The following RPH3AL variants were observed in gnomAD, a reference collection of about 807,000 sequenced individuals.
The protein encoded by RPH3AL is rab effector Noc2.
RPH3AL carries 38 observed loss-of-function variants against 43.1 expected under a neutral mutation model. The observed-to-expected ratio is 0.88, with a 90% CI of 0.68 to 1.15. The LOEUF (loss-of-function observed/expected upper bound fraction) is 1.15. Among genes scored for constraint, RPH3AL ranks in the 50% most tolerant of loss-of-function variants. The probability of loss-of-function intolerance (pLI) is 0.00; values close to 1 mark genes in which losing one functional copy is unlikely to be tolerated. For synonymous variants in RPH3AL, 189 were observed against 176.3 expected (o/e 1.07, Z -0.57); for missense variants, 462 against 423.2 (o/e 1.09, Z -0.81).
At chr17:247,015 G>T (rs933381152) in intron 7 of RPH3AL, 96 bp downstream of exon 7, 1 of 1,308,864 alleles carries the variant, frequency 7.6e-7, no homozygotes, top group Non-Finnish European at 1.1e-6. Flanking sequence ...CGTGGATGGA[G>T]GGTGCGGGGG....
At chr17:262,854 T>C (rs2042233227) in intron 6 of RPH3AL, among the ~76,000 whole-genome samples, 1 of 152,136 alleles carries the variant, frequency 6.6e-6, no homozygotes, top group South Asian at 2.1e-4. Flanking sequence ...GGTTATTCAG[T>C]CCGACCCCAC....
intron 1 of RPH3AL, among the ~76,000 whole-genome samples, chr17:349,914 G>A: frequency 6.6e-6 from 1 of 152,110 alleles, no homozygotes; most frequent in Non-Finnish European, 1.5e-5. Flanking sequence ...TGATATTACT[G>A]CTGTGCCCAG....
chr17:265,447 T>TTA (rs1186547454), intron 6 of RPH3AL, among the ~76,000 whole-genome samples: 17 of 152,092 alleles, frequency 1.1e-4, no homozygotes, highest in South Asian at 4.2e-4. Flanking sequence ...TATTCAAAAG[T>TTA]TATATATATA....
intron 6 of RPH3AL, among the ~76,000 whole-genome samples, chr17:270,326 G>T (rs1225576359): frequency 6.6e-6 from 1 of 152,242 alleles, no homozygotes; most frequent in East Asian, 1.9e-4. Context: ...GCAGCTTGCG[G>T]TGAGCACAGG....
rs2043589148 is a variant in RPH3AL at position 309,572 on chromosome 17, T to TCCAGG, written c.351+9847_351+9848insCCTGG. On this transcript the variant is annotated intron_variant, in intron 5 of 9. Transcript: ENST00000331302. ...GGGGTCCGGGATATGGCACGTCCCCTGCCCTGCCCCAGGCTCCTGCCAGCC... is the reference window on the plus strand; with the variant it reads ...GGGGTCCGGGATATGGCACGTCCCCTCCAGGGCCCTGCCCCAGGCTCCTGCCAGCC... Among the ~76,000 whole-genome samples, 5 of 33,392 alleles carry TCCAGG rather than the reference T, an allele frequency of 1.5e-4. 1 individual carries two copies. Among genetic ancestry groups the TCCAGG allele is most frequent in the South Asian group, 1.5e-3 (1 of 672 alleles). 21.9% of individuals were successfully genotyped at this position (33,392 alleles called of 152,430 possible).
chr17:284,640 T>C (rs10871513), intron 5 of RPH3AL, among the ~76,000 whole-genome samples: 146,044 of 152,118 alleles, frequency 0.96, 70,314 homozygotes, highest in Non-Finnish European at 1. Context: ...CGGCAGCCTC[T>C]CCATTGCACC....
At chr17:311,725 G>A (rs1031795324) in intron 5 of RPH3AL, among the ~76,000 whole-genome samples, 13 of 152,158 alleles carry the variant, frequency 8.5e-5, no homozygotes, top group Admixed American at 4.6e-4. Context: ...TTTCCCTGCC[G>A]GCTCAGGACA....
chr17:315,170 C>T (rs1555518932), intron 5 of RPH3AL, among the ~76,000 whole-genome samples: 1 of 145,348 alleles, frequency 6.9e-6, no homozygotes, highest in Non-Finnish European at 1.5e-5. Context: ...TGTGCCCCCA[C>T]CTCCATTCAC....
chr17:328,099 G>C lies in RPH3AL; in HGVS notation c.-36-520C>G, dbSNP rs1376758879. Among the ~76,000 whole-genome samples the C allele has an allele frequency of 6.6e-6, 1 of 152,088 alleles. No homozygotes were observed. Among genetic ancestry groups the C allele is most frequent in the Middle Eastern group, 3.2e-3 (1 of 316 alleles). On this transcript the variant is annotated intron_variant, in intron 2 of 9. Transcript: ENST00000331302. This position sits in a 1 kb window ranked among gnomAD's most constrained non-coding sequence, Gnocchi z 4.2. ...ACAATGCCCTCGAGGGCAGGCAAGAGGGCAGGGGGTGGCAGCTACAGCCAG... is the reference window on the plus strand; with the variant it reads ...ACAATGCCCTCGAGGGCAGGCAAGACGGCAGGGGGTGGCAGCTACAGCCAG...
At chr17:325,007 T>C (rs1295655698) in intron 3 of RPH3AL, among the ~76,000 whole-genome samples, 1 of 151,746 alleles carries the variant, frequency 6.6e-6, no homozygotes, top group Non-Finnish European at 1.5e-5. Context: ...TACAGGTGTG[T>C]GCCAACACGA....
chr17:331,333 G>C, intron 2 of RPH3AL: 1 of 40,200 alleles, frequency 2.5e-5, no homozygotes. Context: ...GAAGGATGTC[G>C]CCTCCAGAGC....
chr17:264,076 G>A lies in RPH3AL; in HGVS notation c.439-16791C>T, dbSNP rs1023268550. On this transcript the variant is annotated intron_variant, in intron 6 of 9. Coordinates refer to ENST00000331302, the MANE Select transcript of RPH3AL (RefSeq NM_006987.4). The surrounding 1 kb of genome is among the most constrained non-coding windows in gnomAD (Gnocchi z 4.8). ...AGATTTCAAAGCCACGATTTTGGCC[G>A]CGTGCGACAAGCCGGACTCTCCAAG... is the stretch of plus-strand genomic sequence containing the variant. 4.6e-5 allele frequency among the ~76,000 whole-genome samples: 7 copies of A among 152,194 alleles called. No homozygotes were observed. The highest frequency in any genetic ancestry group is 3.8e-4 in the East Asian group (2 of 5,202).
In RPH3AL at chr17:259,857, C is replaced by A. The variant is rs559385797; in HGVS notation, c.439-12572G>T. ...TCATGGATATTCGCCAAGCTGTTCC[C>A]AGGGAATTTTAATTACCATGATAAC... On this transcript the variant is annotated intron_variant, in intron 6 of 9. Coordinates refer to ENST00000331302, the MANE Select transcript of RPH3AL (RefSeq NM_006987.4). Among the ~76,000 whole-genome samples the A allele has an allele frequency of 2.0e-5, 3 of 152,368 alleles. No individual in the cohort carries two copies. In the South Asian group the frequency reaches 6.2e-4, roughly 32 times the overall value.
At position 245,572 on chromosome 17, in the gene RPH3AL, C is replaced by T. The variant is rs1459512171; in HGVS notation, c.613+1539G>A. 1.3e-5 allele frequency among the ~76,000 whole-genome samples: 2 copies of T among 152,112 alleles called. No individual in the cohort carries two copies. The highest frequency in any genetic ancestry group is 1.3e-4 in the Admixed American group (2 of 15,270). The stretch of plus-strand genomic sequence containing the variant: ...AGCTGCCCCCATAGGCCTTCAGCCT[C>T]TCCGGCTCAACTGGCTCCAAGCAGC... On this transcript the variant is annotated intron_variant, in intron 7 of 9. Coordinates refer to ENST00000331302, the MANE Select transcript of RPH3AL (RefSeq NM_006987.4). The surrounding 1 kb of genome is among the most constrained non-coding windows in gnomAD (Gnocchi z 5.9).
At chr17:302,615 C>A (rs557932189) in intron 5 of RPH3AL, among the ~76,000 whole-genome samples, 1 of 152,162 alleles carries the variant, frequency 6.6e-6, no homozygotes, top group Admixed American at 6.5e-5. Flanking sequence ...CGCCCGCCGT[C>A]GAGGGAGGGT....
At chr17:332,027 G>A (rs1052992307) in intron 2 of RPH3AL, 1 of 475,754 alleles carries the variant, frequency 2.1e-6, no homozygotes, top group African/African-American at 2.0e-5. Flanking sequence ...GACAGGGCTG[G>A]TGGAGCTCTG....
intron 5 of RPH3AL, among the ~76,000 whole-genome samples, chr17:299,511 C>G (rs2043268100): frequency 6.6e-6 from 1 of 152,212 alleles, no homozygotes; most frequent in Non-Finnish European, 1.5e-5. Context: ...CTCAGCTTCC[C>G]CATCAGCAGA....
At chr17:325,936 A>G (rs1007190161) in intron 3 of RPH3AL, among the ~76,000 whole-genome samples, 1 of 152,194 alleles carries the variant, frequency 6.6e-6, no homozygotes, top group Admixed American at 6.5e-5. Context: ...AGTGCACCCC[A>G]GGGGAGGGGA....
At chr17:284,053 G>A (rs9889392) in intron 5 of RPH3AL, among the ~76,000 whole-genome samples, 107,218 of 152,090 alleles carry the variant, frequency 0.7, 39,125 homozygotes, top group Non-Finnish European at 0.8. Context: ...AGAGACGTGA[G>A]CTCTCCCTTC....
Sources: allele counts gnomAD v4.1 joint callset (sites outside exome capture counted in the v4.1 genomes callset), GRCh38; gene constraint gnomAD v4.1.1; non-coding constraint Gnocchi (gnomAD v3.1); transcripts MANE v1.5; gene names NCBI Gene and HGNC (gene_info 2026-07-23, HGNC 2026-07-21).